Variants in COL4A6 observed in about 807,000 individuals in gnomAD.
COL4A6 encodes the protein collagen alpha-6(IV) chain.
In COL4A6, 59 loss-of-function variants were observed where a neutral mutation model predicts 126.7. That is an observed-to-expected ratio of 0.47 (90% CI 0.38 to 0.58). COL4A6 has a LOEUF of 0.58. COL4A6 is among the 20% of genes least tolerant of loss of function. COL4A6 has a pLI of 0.00. For synonymous variants in COL4A6, 547 were observed against 496.6 expected (o/e 1.10, Z -1.35); for missense variants, 1,285 against 1,337.3 (o/e 0.96, Z 0.61).
intron 2 of COL4A6, among the ~76,000 whole-genome samples, chrX:108,318,647 C>T (rs980200834): frequency 3.6e-5 from 4 of 111,879 alleles, no homozygotes; most frequent in Middle Eastern, 4.6e-3. Context: ...GAATAAAATA[C>T]CCAGGAATCC....
At chrX:108,364,986 C>T (rs2040165507) in intron 2 of COL4A6, among the ~76,000 whole-genome samples, 1 of 110,855 alleles carries the variant, frequency 9.0e-6, no homozygotes, top group African/African-American at 3.3e-5. Context: ...CATGATGTCA[C>T]CACACCTAAT....
At chrX:108,386,044 G>A (rs1421030512) in intron 2 of COL4A6, among the ~76,000 whole-genome samples, 1 of 111,592 alleles carries the variant, frequency 9.0e-6, no homozygotes, top group Non-Finnish European at 1.9e-5. Flanking sequence ...CAAAGGACAT[G>A]AACTCATGCT....
rs778953410 is a variant in COL4A6 at position 108,394,952 on chromosome X, T to A, written c.63+42990A>T. Among the ~76,000 whole-genome samples the A allele has an allele frequency of 9.0e-5, 10 of 111,310 alleles. 1 individual carries two copies. The highest frequency in any genetic ancestry group is 3.3e-4 in the African/African-American group (10 of 30,747). On this transcript the variant is annotated intron_variant, in intron 2 of 44. Transcript: ENST00000334504. ...AAGCAGAAGAGTTAAGTTTTTTTTT[T>A]ATATTTCATTGAATGTATATTATTA...
chrX:108,425,500 A>G (rs1200140774), intron 2 of COL4A6, among the ~76,000 whole-genome samples: 4 of 109,876 alleles, frequency 3.6e-5, no homozygotes, highest in Non-Finnish European at 5.7e-5. Flanking sequence ...TTGGGAGGCT[A>G]AGGGGGGATG....
In COL4A6 at chrX:108,214,040, G is replaced by A. The variant is rs7066746; in HGVS notation, c.441+72C>T. 6,953 of 907,841 alleles carry A rather than the reference G, an allele frequency of 7.7e-3. 282 individuals carry two copies. In the African/African-American group the frequency reaches 0.12, roughly 16 times the overall value. 74.8% of individuals were successfully genotyped at this position (907,841 alleles called of 1,213,427 possible). On this transcript the variant is annotated intron_variant, in intron 6 of 44. Transcript: ENST00000334504. ...CCCACAAAATCTTGAGGTTTCCAGA[G>A]AGGCAGAAAAAGGGCACACGTAGAG... is the stretch of plus-strand genomic sequence containing the variant.
intron 2 of COL4A6, among the ~76,000 whole-genome samples, chrX:108,411,213 C>G (rs1356968541): frequency 9.8e-6 from 1 of 101,617 alleles, no homozygotes; most frequent in Admixed American, 1.1e-4. Context: ...TAATTACATA[C>G]AGAAATCATG....
intron 2 of COL4A6, among the ~76,000 whole-genome samples, chrX:108,400,784 C>T (rs1195441945): frequency 1.8e-5 from 2 of 111,250 alleles, no homozygotes; most frequent in Non-Finnish European, 1.9e-5. Flanking sequence ...ATGAATTAAG[C>T]CTTTCTTTTA....
intron 3 of COL4A6, among the ~76,000 whole-genome samples, chrX:108,296,036 A>T (rs1462186187): frequency 8.9e-6 from 1 of 112,125 alleles, no homozygotes; most frequent in East Asian, 2.8e-4. Flanking sequence ...GAGTGTTCAA[A>T]AGTTTTCTAA....
Position 108,179,318 on chromosome X carries a change from T to C in COL4A6, c.2252A>G (p.Asp751Gly). ...GLPGSKGATG[D>G]IFGAENGAPG... ...AGCACCATTTTCAGCACCAAAGATGTCACCAGTGGCTCCCTTGGAACCAGG... is the reference window on the plus strand; with the variant it reads ...AGCACCATTTTCAGCACCAAAGATGCCACCAGTGGCTCCCTTGGAACCAGG... Residue 751 changes from aspartate (D) to glycine (G), a missense_variant, in exon 26 of 45, where the codon GAC becomes GGC. Coordinates refer to ENST00000334504, the MANE Select transcript of COL4A6 (RefSeq NM_033641.4). The C allele has an allele frequency of 8.3e-7, 1 of 1,211,262 alleles. No individual in the cohort carries two copies. Among genetic ancestry groups the C allele is most frequent in the Non-Finnish European group, 1.1e-6 (1 of 895,234 alleles).
intron 3 of COL4A6, among the ~76,000 whole-genome samples, chrX:108,248,566 C>A (rs1004822931): frequency 4.5e-5 from 5 of 111,075 alleles, no homozygotes; most frequent in Non-Finnish European, 9.5e-5. Flanking sequence ...ACCTGCTACA[C>A]CACTACAAAA....
chrX:108,190,220 C>G (rs1432611417), intron 20 of COL4A6, among the ~76,000 whole-genome samples, 172 bp downstream of exon 20: 1 of 111,974 alleles, frequency 8.9e-6, no homozygotes, highest in Non-Finnish European at 1.9e-5. Context: ...CCATTGCCAG[C>G]CTCAGTCTTA....
intron 2 of COL4A6, among the ~76,000 whole-genome samples, chrX:108,410,663 G>T (rs1253235055): frequency 9.0e-6 from 1 of 110,981 alleles, no homozygotes; most frequent in African/African-American, 3.3e-5. Flanking sequence ...TCCCACCAAT[G>T]TTATGGCCGT....
At chrX:108,310,491 TG>T (rs1038994283) in intron 3 of COL4A6, among the ~76,000 whole-genome samples, 5 of 111,940 alleles carry the variant, frequency 4.5e-5, no homozygotes, top group African/African-American at 1.6e-4. Flanking sequence ...AATTGGCTTT[TG>T]GAAAAACTCC....
chrX:108,232,678 C>T lies in COL4A6; in HGVS notation c.145-11304G>A, dbSNP rs191093289. On this transcript the variant is annotated intron_variant, in intron 3 of 44. Coordinates refer to ENST00000334504, the MANE Select transcript of COL4A6 (RefSeq NM_033641.4). Reference sequence around the variant, plus strand: ...AGTTAGATTCAATTCCCTGCTCCAACCTTCTAGCTGTATGATATTGAAAAA... The same window carrying T: ...AGTTAGATTCAATTCCCTGCTCCAATCTTCTAGCTGTATGATATTGAAAAA... 7.1e-4 allele frequency among the ~76,000 whole-genome samples: 79 copies of T among 111,861 alleles called. 1 individual carries two copies. The highest frequency in any genetic ancestry group is 1.0e-3 in the Non-Finnish European group (54 of 53,152).
intron 3 of COL4A6, among the ~76,000 whole-genome samples, chrX:108,300,999 T>C: frequency 8.9e-6 from 1 of 112,772 alleles, no homozygotes; most frequent in South Asian, 3.6e-4. Flanking sequence ...TTTGAAAAGA[T>C]GATAGTGAAG....
Position 108,159,523 on chromosome X carries a change from A to G in COL4A6, c.4751T>C (p.Ile1584Thr). ...SQAIAVHSQD[I>T]TIPQCPLGWR... ...GCCCAGGGGGCACTGCGGGATGGTG[A>G]TGTCCTGGCTGTGCACAGCAATGGC... is the stretch of plus-strand genomic sequence containing the variant. Residue 1584 changes from isoleucine to threonine, a missense_variant, in exon 44 of 45, where the codon ATC becomes ACC. By Grantham distance (89) the Ile-to-Thr change is moderately conservative. Coordinates refer to ENST00000334504, the MANE Select transcript of COL4A6 (RefSeq NM_033641.4). The G allele has an allele frequency of 8.2e-7, 1 of 1,212,210 alleles. No individual in the cohort carries two copies. Among genetic ancestry groups the G allele is most frequent in the Non-Finnish European group, 1.1e-6 (1 of 895,620 alleles).
At chrX:108,288,389 G>C (rs994038851) in intron 3 of COL4A6, among the ~76,000 whole-genome samples, 2 of 111,581 alleles carry the variant, frequency 1.8e-5, no homozygotes, top group African/African-American at 6.5e-5. Flanking sequence ...TTTTTGTTTA[G>C]TATGATTAAT....
chrX:108,351,049 C>A (rs2039828211), intron 2 of COL4A6, among the ~76,000 whole-genome samples: 1 of 111,521 alleles, frequency 9.0e-6, no homozygotes, highest in South Asian at 3.9e-4. Context: ...GTTCTCCCCA[C>A]AATGAATTCC....
chrX:108,405,428 G>A (rs1485162288), intron 2 of COL4A6, among the ~76,000 whole-genome samples: 4 of 109,867 alleles, frequency 3.6e-5, no homozygotes, highest in East Asian at 2.9e-4. Context: ...CAAGTGATCC[G>A]CCCGCCTCAG....
Sources: allele counts gnomAD v4.1 joint callset (sites outside exome capture counted in the v4.1 genomes callset), GRCh38; gene constraint gnomAD v4.1.1; transcripts MANE v1.5; gene names NCBI Gene and HGNC (gene_info 2026-07-23, HGNC 2026-07-21).